WDR49: variants seen among roughly 807,000 people sequenced by gnomAD.
WDR49 encodes WD repeat domain 49.
A neutral mutation model predicts 119.5 loss-of-function variants in WDR49; 107 were observed. The ratio of observed to expected loss-of-function variants is 0.90; its 90% CI spans 0.77 to 1.05. The LOEUF is 1.05. WDR49 is among the 50% of genes least tolerant of loss of function. WDR49 has a pLI of 0.00. For synonymous variants in WDR49, 425 were observed against 418.8 expected, an observed-to-expected ratio of 1.01 and a Z score of -0.18; for missense variants, 1,240 against 1,220.5, an observed-to-expected ratio of 1.02 and a Z score of -0.24.
upstream of WDR49, among the ~76,000 whole-genome samples, chr3:167,655,282 G>A (rs146806898): frequency 2.0e-5 from 3 of 152,298 alleles, no homozygotes; most frequent in African/African-American, 4.8e-5. Context: ...ACCTGGCCAC[G>A]CCCTTGTCAT....
At chr3:167,531,325 G>C in intron 12 of WDR49, 46 bp from the exon 13 acceptor site, 1 of 1,599,326 alleles carries the variant, frequency 6.3e-7, no homozygotes, top group East Asian at 2.2e-5. Flanking sequence ...AAAAATATCT[G>C]CTTTTCAAAC....
At chr3:167,652,597 C>T (rs1002568743) in intron 2 of WDR49, among the ~76,000 whole-genome samples, 4 of 152,156 alleles carry the variant, frequency 2.6e-5, no homozygotes, top group African/African-American at 9.7e-5. Flanking sequence ...CTGCAGAATT[C>T]AAAATTCATT....
At chr3:167,587,793 T>TG (rs1249378809) in intron 7 of WDR49, among the ~76,000 whole-genome samples, 1 of 152,128 alleles carries the variant, frequency 6.6e-6, no homozygotes, top group Non-Finnish European at 1.5e-5. Context: ...CTCTTTTTCA[T>TG]TTTTTCTAAT....
Position 167,537,873 on chromosome 3 carries a change from A to G in WDR49, c.1824-873T>C, listed in dbSNP as rs184231018. On this transcript the variant is annotated intron_variant, in intron 10 of 18. Coordinates refer to ENST00000682715, the MANE Select transcript of WDR49 (RefSeq NM_001366157.1). ...GGTCTTTCACCATCATTCTCTCTTC[A>G]CCTTCCTGAAATCTTTTATTCCCAC... 9.9e-4 allele frequency among the ~76,000 whole-genome samples: 151 copies of G among 152,038 alleles called. No homozygotes were observed. In the Middle Eastern group the frequency reaches 0.014, roughly 14 times the overall value.
At chr3:167,552,585 T>G (rs989792871) in intron 10 of WDR49, among the ~76,000 whole-genome samples, 2 of 151,968 alleles carry the variant, frequency 1.3e-5, no homozygotes, top group South Asian at 4.2e-4. Context: ...AGGAGATAAA[T>G]AATTATTTCA....
chr3:167,545,964 T>C (rs1712166311), intron 10 of WDR49, among the ~76,000 whole-genome samples: 2 of 151,814 alleles, frequency 1.3e-5, no homozygotes, highest in Admixed American at 1.3e-4. Flanking sequence ...ATAAGGTAAT[T>C]TGAAGTTCCG....
intron 11 of WDR49, among the ~76,000 whole-genome samples, chr3:167,536,314 G>A (rs1753024443): frequency 6.6e-6 from 1 of 152,018 alleles, no homozygotes; most frequent in South Asian, 2.1e-4. Flanking sequence ...ATTTATACAT[G>A]TATTGAAACA....
At chr3:167,485,547 T>A (rs1436537472) in intron 18 of WDR49, among the ~76,000 whole-genome samples, 1 of 152,012 alleles carries the variant, frequency 6.6e-6, no homozygotes, top group Non-Finnish European at 1.5e-5. Flanking sequence ...AGCTGAAATA[T>A]TAAATAGCTA....
At chr3:167,554,602 C>CT (rs756423837) in intron 10 of WDR49, 48 bp downstream of exon 10, 4 of 1,273,472 alleles carry the variant, frequency 3.1e-6, no homozygotes, top group Non-Finnish European at 4.3e-6. Context: ...TTTTTATGTT[C>CT]TTTTTTCTTT....
intron 18 of WDR49, among the ~76,000 whole-genome samples, chr3:167,495,883 G>GAAAAAAAAAAAAAAAAAAAAAAAAA: frequency 1.1e-4 from 8 of 71,220 alleles, no homozygotes; most frequent in Non-Finnish European, 1.4e-4. Flanking sequence ...TTAAAAATTT[G>GAAAAAAAAAAAAAAAAAAAAAAAAA]AAAAAAAAAA....
At chr3:167,510,886 C>G (rs2108219596) in intron 16 of WDR49, among the ~76,000 whole-genome samples, 1 of 148,096 alleles carries the variant, frequency 6.8e-6, no homozygotes, top group East Asian at 2.0e-4. Context: ...ATATATACAC[C>G]AAGTGTACTT....
At chr3:167,615,305 C>T (rs1716540937) in intron 5 of WDR49, among the ~76,000 whole-genome samples, 1 of 151,986 alleles carries the variant, frequency 6.6e-6, no homozygotes, top group African/African-American at 2.4e-5. Context: ...TCAGCTAATT[C>T]TTGTGTTTTT....
rs1716142036 is a variant in WDR49 at position 167,607,918 on chromosome 3, A to G, written c.959-3450T>C. 2.6e-5 allele frequency among the ~76,000 whole-genome samples: 4 copies of G among 151,998 alleles called. No individual in the cohort carries two copies. In the South Asian group the frequency reaches 8.3e-4, roughly 32 times the overall value. On this transcript the variant is annotated intron_variant, in intron 5 of 18. Transcript: ENST00000682715. ...AAGGAAGGAAGAAAGGGTAAAAGGG[A>G]GGGAGGGAGGAAAAAAGGGACGGAG...
intron 2 of WDR49, among the ~76,000 whole-genome samples, chr3:167,636,812 T>A (rs1020311012): frequency 2.0e-5 from 3 of 152,088 alleles, no homozygotes; most frequent in African/African-American, 7.2e-5. Flanking sequence ...TTTCTATTCA[T>A]GTCCTTAGCC....
At chr3:167,539,154 A>G (rs1401111779) in intron 10 of WDR49, among the ~76,000 whole-genome samples, 9 of 152,196 alleles carry the variant, frequency 5.9e-5, no homozygotes, top group Admixed American at 5.9e-4. Flanking sequence ...TAAAATAAAG[A>G]TAGATGAATT....
intron 17 of WDR49, among the ~76,000 whole-genome samples, chr3:167,503,199 C>T (rs1252964855): frequency 6.6e-6 from 1 of 152,234 alleles, no homozygotes; most frequent in African/African-American, 2.4e-5. Flanking sequence ...TGCAGGTACA[C>T]AGAGTGCAAG....
chr3:167,654,756 G>A (rs1718540764), upstream of WDR49, among the ~76,000 whole-genome samples: 2 of 152,028 alleles, frequency 1.3e-5, no homozygotes, highest in East Asian at 1.9e-4. Flanking sequence ...ATAATCAGCC[G>A]AGCATGGTGG....
chr3:167,576,071 T>C lies in WDR49; in HGVS notation c.1356A>G (p.Arg452=). ...GGGCTTCATCAAAGTGGAAGAGACA[T>C]CTGAAGTCCTGACTTTTGGGGAAAG... The part of the protein sequence containing the change: ...ACSFPKSQDF[R]CLFHFDEAHG... The change falls in exon 8 of 19, where the codon AGA becomes AGG. Residue 452 remains arginine (R), a synonymous_variant. Transcript: ENST00000682715. 4 of 1,614,150 alleles carry C rather than the reference T, an allele frequency of 2.5e-6. No homozygotes were observed. Among genetic ancestry groups the C allele is most frequent in the Middle Eastern group, 1.6e-4 (1 of 6,062 alleles).
rs540801666 is a variant in WDR49 at position 167,576,243 on chromosome 3, C to A, written c.1276-92G>T. 3.9e-6 allele frequency: 4 copies of A among 1,029,154 alleles called. No homozygotes were observed. In the East Asian group the frequency reaches 7.8e-5, roughly 20 times the overall value. The allele number at this position is 1,029,154 out of a possible 1,614,324, so 63.8% of individuals were successfully genotyped here. A position where few individuals can be genotyped will look rare whatever the true frequency, so the allele number is the denominator to read the frequency against. ...TTTCTAGCTCACCCTCAATACCAGG[C>A]AGACAGTTGTTTCCTCCACAGTGCT... On this transcript the variant is annotated intron_variant, in intron 7 of 18. Transcript: ENST00000682715.
Sources: allele counts gnomAD v4.1 joint callset (sites outside exome capture counted in the v4.1 genomes callset), GRCh38; gene constraint gnomAD v4.1.1; transcripts MANE v1.5; gene names NCBI Gene and HGNC (gene_info 2026-07-23, HGNC 2026-07-21).